RBFOX3: variants seen among roughly 807,000 people sequenced by gnomAD.
RBFOX3 encodes the protein RNA binding fox-1 homolog 3, also known as RNA binding protein fox-1 homolog 3.
A neutral mutation model predicts 48.7 loss-of-function variants in RBFOX3; 17 were observed. The observed-to-expected ratio is 0.35, with a 90% CI of 0.24 to 0.52. The LOEUF (loss-of-function observed/expected upper bound fraction) is 0.52, where lower values mean the gene tolerates loss of function less well. Ranked by LOEUF, RBFOX3 falls within the 20% of genes least tolerant of loss-of-function variation. RBFOX3 has a pLI of 0.94. For missense variants in RBFOX3, 382 were observed against 497.5 expected, an observed-to-expected ratio of 0.77 and a Z score of 2.21; for synonymous variants, 212 against 209.5, an observed-to-expected ratio of 1.01 and a Z score of -0.10.
intron 3 of RBFOX3, among the ~76,000 whole-genome samples, chr17:79,263,762 C>T (rs2066195949): frequency 6.6e-6 from 1 of 152,200 alleles, no homozygotes. Flanking sequence ...TGAACGCGCG[C>T]TTACGAGGGG....
rs2076836952 is a variant in RBFOX3, at chr17:79,311,430, T to A, written c.-174-3606A>T. ...CCTGGGTAAGAAGAGCGAGACTCCA[T>A]CTCCAAAAAAAAAAAAAAAAAAAAC... On this transcript the variant is annotated intron_variant, in intron 2 of 14. Transcript: ENST00000693108. The surrounding 1 kb of genome is among the most constrained non-coding windows in gnomAD (Gnocchi z 4.2). Among the ~76,000 whole-genome samples, 2 of 59,652 alleles carry A rather than the reference T, an allele frequency of 3.4e-5. No homozygotes were observed. The highest frequency in any genetic ancestry group is 4.6e-5 in the African/African-American group (1 of 21,690). 39.1% of individuals were successfully genotyped at this position (59,652 alleles called of 152,430 possible). A position where few individuals can be genotyped will look rare whatever the true frequency, so the allele number is the denominator to read the frequency against.
intron 1 of RBFOX3, among the ~76,000 whole-genome samples, chr17:79,541,439 TG>T (rs1229800098): frequency 6.6e-6 from 1 of 152,204 alleles, no homozygotes; most frequent in Non-Finnish European, 1.5e-5. Flanking sequence ...AAGCTTACAA[TG>T]TACCACCATA....
At chr17:79,631,984 G>T in the RBFOX3 span, among the ~76,000 whole-genome samples, 17,163 of 152,166 alleles carry the variant, frequency 0.11, 2,302 homozygotes, top group African/African-American at 0.32. Context: ...TCCGCCTCCT[G>T]CCAGGGCACA....
At chr17:79,599,080 C>T (rs1430227840) in intron 1 of RBFOX3, 2 of 152,230 alleles carry the variant, frequency 1.3e-5, no homozygotes, top group East Asian at 1.9e-4. Context: ...CTTACAGTGC[C>T]CAGCTACTCT....
chr17:79,548,064 G>A (rs1033445391), intron 1 of RBFOX3, among the ~76,000 whole-genome samples: 4 of 152,196 alleles, frequency 2.6e-5, no homozygotes, highest in African/African-American at 9.7e-5. Flanking sequence ...AAATATTATG[G>A]AAAAATCAAG....
intron 2 of RBFOX3, among the ~76,000 whole-genome samples, chr17:79,442,363 GAGAGAGAGAGAGA>G (rs1466147158): frequency 3.1e-4 from 2 of 6,480 alleles, no homozygotes; most frequent in Non-Finnish European, 5.6e-4. Context: ...AAGAGGGGGG[GAGAGAGAGAGAGA>G]GAGAGAGAGA....
chr17:79,285,418 G>A (rs1228501172), intron 3 of RBFOX3, among the ~76,000 whole-genome samples: 12 of 152,240 alleles, frequency 7.9e-5, no homozygotes, highest in African/African-American at 1.9e-4. Flanking sequence ...GCTCATTTAC[G>A]TGATACACCC....
intron 2 of RBFOX3, among the ~76,000 whole-genome samples, chr17:79,449,622 A>AACACACACACACACACAT (rs144341578): frequency 6.9e-6 from 1 of 144,494 alleles, no homozygotes; most frequent in East Asian, 2.0e-4. Flanking sequence ...TGCACACATA[A>AACACACACACACACACAT]ACACACACAC....
In RBFOX3 at chr17:79,363,288, G is replaced by C. The variant is rs1374856969; in HGVS notation, c.-174-55464C>G. ...TAGGGTCAATGTGCAGAAGAACCAG[G>C]GGACTCTTTAAAGGGCAAATGCGCT... On this transcript the variant is annotated intron_variant, in intron 2 of 14. Coordinates refer to ENST00000693108, the MANE Select transcript of RBFOX3 (RefSeq NM_001350451.2). This position sits in a 1 kb window ranked among gnomAD's most constrained non-coding sequence, Gnocchi z 4.7. 6.6e-6 allele frequency among the ~76,000 whole-genome samples: 1 copy of C among 152,096 alleles called. No homozygotes were observed. The highest frequency in any genetic ancestry group is 1.5e-5 in the Non-Finnish European group (1 of 68,014).
chr17:79,292,763 C>A (rs1239522406), intron 3 of RBFOX3, among the ~76,000 whole-genome samples: 1 of 152,182 alleles, frequency 6.6e-6, no homozygotes, highest in African/African-American at 2.4e-5. Flanking sequence ...TCAATTCTGC[C>A]GCTAGAGACC....
intron 4 of RBFOX3, among the ~76,000 whole-genome samples, chr17:79,170,086 A>C (rs936831581): frequency 8.5e-5 from 12 of 141,330 alleles, no homozygotes; most frequent in Non-Finnish European, 7.5e-5. Flanking sequence ...GGAGGAAGGA[A>C]GGAAGGATGG....
In RBFOX3 at chr17:79,533,306, G is replaced by A. The variant is rs1020158703; in HGVS notation, c.-319-50708C>T. Among the ~76,000 whole-genome samples, 12 of 152,186 alleles carry A rather than the reference G, an allele frequency of 7.9e-5. No individual in the cohort carries two copies. The South Asian group carries it at 8.3e-4, about 11-fold the overall frequency. ...AGGCAGAGAGTCGAGTCCAGGCATC[G>A]AAAATCCTCCCAAGCCTACACCTGG... On this transcript the variant is annotated intron_variant, in intron 1 of 14. Coordinates refer to ENST00000693108, the MANE Select transcript of RBFOX3 (RefSeq NM_001350451.2).
At chr17:79,435,899 A>G (rs1248704074) in intron 2 of RBFOX3, among the ~76,000 whole-genome samples, 1 of 152,234 alleles carries the variant, frequency 6.6e-6, no homozygotes, top group African/African-American at 2.4e-5. Context: ...CAATCTTAAC[A>G]TTGTTCTAAG....
At chr17:79,664,159 G>A in the RBFOX3 span, among the ~76,000 whole-genome samples, 19 of 144,154 alleles carry the variant, frequency 1.3e-4, no homozygotes, top group Admixed American at 2.2e-4. Context: ...AAAACACAAC[G>A]TTAAATTTAC....
intron 13 of RBFOX3, 115 bp from the exon 14 acceptor site, chr17:79,094,644 T>C: frequency 3.2e-6 from 2 of 625,058 alleles, no homozygotes; most frequent in South Asian, 2.7e-5. Flanking sequence ...TGTACCGAGG[T>C]CCCATCTGCA....
rs186352966 is a variant in RBFOX3 at position 79,175,461 on chromosome 17, G to A, written c.-33-59713C>T. Among the ~76,000 whole-genome samples the A allele has an allele frequency of 1.9e-3, 293 of 152,364 alleles. 2 individuals are homozygous for A. The highest frequency in any genetic ancestry group is 6.9e-3 in the African/African-American group (286 of 41,592). On this transcript the variant is annotated intron_variant, in intron 4 of 14. Coordinates refer to ENST00000693108, the MANE Select transcript of RBFOX3 (RefSeq NM_001350451.2). ...AGGCTGGCATGGAGTCACTCTCCTG[G>A]GATCTCCCGGTGTGGGCACTGGCCG...
At chr17:79,333,166 C>A (rs1289383089) in intron 2 of RBFOX3, among the ~76,000 whole-genome samples, 1 of 152,082 alleles carries the variant, frequency 6.6e-6, no homozygotes, top group Non-Finnish European at 1.5e-5. Context: ...CCAGCCTTTA[C>A]CAGGGAGGAG....
chr17:79,325,893 C>G (rs1184868868), intron 2 of RBFOX3, among the ~76,000 whole-genome samples: 1 of 152,186 alleles, frequency 6.6e-6, no homozygotes, highest in Non-Finnish European at 1.5e-5. Context: ...AAAAACCCAC[C>G]CGGGAGCTGT....
intron 4 of RBFOX3, among the ~76,000 whole-genome samples, chr17:79,143,869 G>T (rs1450689317): frequency 6.6e-6 from 1 of 152,240 alleles, no homozygotes; most frequent in Admixed American, 6.5e-5. Context: ...CTGGGCTCAA[G>T]CCAGGACACC....
Sources: gnomAD v4.1 joint callset for allele counts (sites outside exome capture counted in the v4.1 genomes callset) on GRCh38, gnomAD v4.1.1 for gene constraint, Gnocchi (gnomAD v3.1) non-coding constraint, MANE v1.5 for transcripts, NCBI Gene and HGNC (gene_info 2026-07-23, HGNC 2026-07-21) for gene names.